PHACTR1: variants seen among roughly 807,000 people sequenced by gnomAD.
PHACTR1 encodes the protein RPEL repeat containing 1.
Under a neutral mutation model 69.2 loss-of-function variants are expected in PHACTR1, and 16 were observed. The observed-to-expected ratio is 0.23, with a 90% CI of 0.16 to 0.35. The LOEUF (loss-of-function observed/expected upper bound fraction) is 0.35, where lower values mean the gene tolerates loss of function less well. PHACTR1 is among the 10% of genes least tolerant of loss of function. The pLI is 1.00. For synonymous variants in PHACTR1, 312 were observed against 284.5 expected (o/e 1.10, Z -0.97); for missense variants, 510 against 734.7 (o/e 0.69, Z 3.54).
intron 4 of PHACTR1, among the ~76,000 whole-genome samples, chr6:12,900,770 T>C (rs2127481669): frequency 6.6e-6 from 1 of 152,368 alleles, no homozygotes; most frequent in South Asian, 2.1e-4. Context: ...AATTATTCTT[T>C]GCCTCATTTT....
At chr6:12,940,002 A>G (rs779534676) in intron 4 of PHACTR1, among the ~76,000 whole-genome samples, 1 of 152,236 alleles carries the variant, frequency 6.6e-6, no homozygotes, top group Non-Finnish European at 1.5e-5. Flanking sequence ...TAAATGCGGC[A>G]AGAAAGGAAA....
intron 4 of PHACTR1, among the ~76,000 whole-genome samples, chr6:12,833,293 C>G (rs1232487072): frequency 6.6e-6 from 1 of 151,598 alleles, no homozygotes; most frequent in Admixed American, 6.6e-5. Context: ...GAGTCCTGCT[C>G]TGTCACCCAG....
chr6:13,142,996 A>G (rs766965090), intron 5 of PHACTR1, among the ~76,000 whole-genome samples: 3 of 152,218 alleles, frequency 2.0e-5, no homozygotes, highest in Non-Finnish European at 4.4e-5. Context: ...CTGACTCTAG[A>G]TAATATAAAA....
intron 4 of PHACTR1, among the ~76,000 whole-genome samples, chr6:12,944,989 A>G (rs1486216801): frequency 6.6e-6 from 1 of 151,878 alleles, no homozygotes; most frequent in African/African-American, 2.4e-5. Flanking sequence ...TCACCGTGTT[A>G]GCCAGGATGG....
chr6:12,769,984 A>G (rs548847349), intron 4 of PHACTR1, among the ~76,000 whole-genome samples: 3 of 152,340 alleles, frequency 2.0e-5, no homozygotes, highest in East Asian at 3.9e-4. Context: ...CTCAGGAGGC[A>G]CATAAAAGAT....
intron 4 of PHACTR1, among the ~76,000 whole-genome samples, chr6:13,028,766 A>G (rs1020269805): frequency 6.6e-6 from 1 of 152,164 alleles, no homozygotes; most frequent in Admixed American, 6.5e-5. Context: ...GTCACCTTGG[A>G]GACAAGATTG....
intron 4 of PHACTR1, among the ~76,000 whole-genome samples, chr6:12,944,783 A>ATTTATT (rs1790454158): frequency 8.4e-6 from 1 of 119,298 alleles, no homozygotes; most frequent in African/African-American, 3.4e-5. Context: ...ATTTATTTTT[A>ATTTATT]TTTATTTTTT....
rs185100148 is a variant in PHACTR1 at position 12,902,949 on chromosome 6, G to A, written c.251-150416G>A. On this transcript the variant is annotated intron_variant, in intron 4 of 14. Transcript: ENST00000332995. ...TGACACCATTTGTCGAGACCCAACC[G>A]GCCCCTTGTGACTGCCTTCCTCCAT... is the stretch of plus-strand genomic sequence containing the variant. Among the ~76,000 whole-genome samples the A allele has an allele frequency of 3.4e-4, 52 of 152,210 alleles. No individual in the cohort carries two copies. In the Middle Eastern group the frequency reaches 0.01, roughly 30 times the overall value.
intron 4 of PHACTR1, among the ~76,000 whole-genome samples, chr6:13,025,574 A>G (rs1801561805): frequency 6.6e-6 from 1 of 152,206 alleles, no homozygotes; most frequent in African/African-American, 2.4e-5. Flanking sequence ...ACCTCATAAT[A>G]GTGGACATTA....
intron 4 of PHACTR1, among the ~76,000 whole-genome samples, chr6:12,787,692 G>A (rs1161453850): frequency 6.6e-6 from 1 of 152,176 alleles, no homozygotes; most frequent in African/African-American, 2.4e-5. Flanking sequence ...AGGTTCCCGG[G>A]ACCTTTCTTA....
At chr6:12,887,398 C>T (rs560656866) in intron 4 of PHACTR1, among the ~76,000 whole-genome samples, 7 of 152,276 alleles carry the variant, frequency 4.6e-5, no homozygotes, top group African/African-American at 1.7e-4. Flanking sequence ...AGCTCACATG[C>T]CCCTGTTCTT....
At chr6:13,090,046 G>T (rs976826932) in intron 5 of PHACTR1, among the ~76,000 whole-genome samples, 1 of 151,786 alleles carries the variant, frequency 6.6e-6, no homozygotes, top group African/African-American at 2.4e-5. Context: ...ATTGTTTTGG[G>T]TTTTTTTGTT....
At position 12,972,025 on chromosome 6, in the gene PHACTR1, G is replaced by A. The variant is rs116055658; in HGVS notation, c.251-81340G>A. 7.1e-3 allele frequency among the ~76,000 whole-genome samples: 1,076 copies of A among 152,242 alleles called. 18 individuals are homozygous for A. Among genetic ancestry groups the A allele is most frequent in the African/African-American group, 0.025 (1,024 of 41,524 alleles). On this transcript the variant is annotated intron_variant, in intron 4 of 14. Coordinates refer to ENST00000332995, the MANE Select transcript of PHACTR1 (RefSeq NM_030948.6). ...TATAAGAAACACTGTGTAGAGACTC[G>A]TTACGCAAATTATTTCATTTAAACT...
intron 5 of PHACTR1, among the ~76,000 whole-genome samples, chr6:13,062,516 T>C (rs1325920220): frequency 6.6e-6 from 1 of 152,194 alleles, no homozygotes; most frequent in Non-Finnish European, 1.5e-5. Flanking sequence ...TCTAGAATTA[T>C]TCTTCTTTAA....
At chr6:13,136,852 G>A (rs1322347563) in intron 5 of PHACTR1, among the ~76,000 whole-genome samples, 1 of 152,204 alleles carries the variant, frequency 6.6e-6, no homozygotes, top group Non-Finnish European at 1.5e-5. Context: ...TAAGTTCACT[G>A]TCTTATATGG....
At chr6:12,815,762 C>T (rs778925544) in intron 4 of PHACTR1, among the ~76,000 whole-genome samples, 3 of 152,148 alleles carry the variant, frequency 2.0e-5, no homozygotes, top group Non-Finnish European at 2.9e-5. Flanking sequence ...GTCCTTTTCC[C>T]CAGTCTAGCT....
At chr6:13,010,137 T>G (rs1463597669) in intron 4 of PHACTR1, among the ~76,000 whole-genome samples, 2 of 152,178 alleles carry the variant, frequency 1.3e-5, no homozygotes, top group Admixed American at 6.5e-5. Context: ...CCTATTAATT[T>G]TTTTTTTGAG....
chr6:12,718,905 C>G, intron 3 of PHACTR1, 58 bp downstream of exon 3: 1 of 1,038,454 alleles, frequency 9.6e-7, no homozygotes, highest in Non-Finnish European at 1.4e-6. Flanking sequence ...ATATGAACAG[C>G]CATGTAGGCT....
chr6:12,747,629 T>C (rs371555812), intron 3 of PHACTR1, among the ~76,000 whole-genome samples: 14 of 152,196 alleles, frequency 9.2e-5, no homozygotes, highest in African/African-American at 2.9e-4. Context: ...GTCATGCCAT[T>C]GCACTCCAGT....
Sources: allele counts gnomAD v4.1 joint callset (sites outside exome capture counted in the v4.1 genomes callset), GRCh38; gene constraint gnomAD v4.1.1; transcripts MANE v1.5; gene names NCBI Gene and HGNC (gene_info 2026-07-23, HGNC 2026-07-21).